The following RRM1 variants were observed in gnomAD, a reference collection of about 807,000 sequenced individuals.
The protein encoded by RRM1 is ribonucleotide reductase catalytic subunit M1.
In RRM1, 19 loss-of-function variants were observed where a neutral mutation model predicts 101.5. The ratio of observed to expected loss-of-function variants is 0.19; its 90% CI spans 0.13 to 0.27. The LOEUF is 0.27. RRM1 is among the 10% of genes least tolerant of loss of function. The pLI, the probability that RRM1 is intolerant of heterozygous loss-of-function variation, is 1.00. For synonymous variants in RRM1, 298 were observed against 323.4 expected (o/e 0.92, Z 0.84); for missense variants, 500 against 962.9 (o/e 0.52, Z 6.36).
intron 18 of RRM1, 35 bp from the exon 19 acceptor site, chr11:4,138,160 G>A (rs748463504): frequency 8.0e-7 from 1 of 1,256,450 alleles, no homozygotes; most frequent in Non-Finnish European, 1.1e-6. Context: ...TTCTCACAGA[G>A]TTTCTCCTAA....
intron 7 of RRM1, among the ~76,000 whole-genome samples, chr11:4,116,930 G>A (rs1485785251): frequency 6.6e-6 from 1 of 151,174 alleles, no homozygotes; most frequent in African/African-American, 2.4e-5. Flanking sequence ...TCATGCCACT[G>A]CACTCCAGCC....
chr11:4,119,769 G>T, intron 8 of RRM1, 76 bp from the exon 9 acceptor site: 1 of 846,738 alleles, frequency 1.2e-6, no homozygotes, highest in South Asian at 1.5e-5. Flanking sequence ...CATCTTTTTT[G>T]ATAAAAGAAT....
intron 18 of RRM1, among the ~76,000 whole-genome samples, chr11:4,136,761 C>A (rs2044132): frequency 1.6e-4 from 23 of 144,194 alleles, no homozygotes; most frequent in African/African-American, 5.4e-4. Context: ...TTTGTTTTTT[C>A]TTTTTATTTA....
chr11:4,132,525 C>A lies in RRM1; in HGVS notation c.1905+104C>A. 1 of 1,224,808 alleles carries A rather than the reference C, an allele frequency of 8.2e-7. No homozygotes were observed. The highest frequency in any genetic ancestry group is 1.2e-6 in the Non-Finnish European group (1 of 858,432). The allele number at this position is 1,224,808 out of a possible 1,614,324, so 75.9% of individuals were successfully genotyped here. On this transcript the variant is annotated intron_variant, in intron 16 of 18. Coordinates refer to ENST00000300738, the MANE Select transcript of RRM1 (RefSeq NM_001033.5). This position sits in a 1 kb window ranked among gnomAD's most constrained non-coding sequence, Gnocchi z 4.1. ...TTTGCCCATTTTCTTAGTTTGGGTG[C>A]AAACTTTGATAAAGACAGTCATCTT...
intron 12 of RRM1, among the ~76,000 whole-genome samples, chr11:4,125,327 TTTGTGGACA>T (rs1483063786): frequency 2.0e-5 from 3 of 152,218 alleles, no homozygotes; most frequent in Admixed American, 6.5e-5. Flanking sequence ...TGTCTCTAGA[TTTGTGGACA>T]TTGTGGACAT....
chr11:4,096,814 A>G (rs1470953104), intron 1 of RRM1, among the ~76,000 whole-genome samples: 2 of 151,892 alleles, frequency 1.3e-5, no homozygotes, highest in Non-Finnish European at 2.9e-5. Context: ...TTGAGCATCT[A>G]TTTTTTAAAT....
intron 14 of RRM1, 44 bp downstream of exon 14, chr11:4,127,300 G>A (rs748806305): frequency 1.3e-5 from 17 of 1,309,666 alleles, no homozygotes; most frequent in Non-Finnish European, 1.8e-5. Context: ...AGTACCTGTA[G>A]TGGGCTGAAT....
At chr11:4,137,152 G>A (rs922989493) in intron 18 of RRM1, 3 of 245,330 alleles carry the variant, frequency 1.2e-5, no homozygotes, top group Non-Finnish European at 2.4e-5. Flanking sequence ...AAAATGAAAA[G>A]TCTCCCGTGT....
chr11:4,130,496 G>C lies in RRM1; in HGVS notation c.1769+1346G>C, dbSNP rs146238839. Among the ~76,000 whole-genome samples, 345 of 152,216 alleles carry C rather than the reference G, an allele frequency of 2.3e-3. 1 individual carries two copies. The highest frequency in any genetic ancestry group is 8.0e-3 in the African/African-American group (334 of 41,536). ...GGATCACTTGAGGTCAGGAGTTCAA[G>C]ACCAGCTTGGGCAACATGGCGAAAC... On this transcript the variant is annotated intron_variant, in intron 15 of 18. Coordinates refer to ENST00000300738, the MANE Select transcript of RRM1 (RefSeq NM_001033.5).
At chr11:4,098,071 G>C (rs2094546028) in intron 1 of RRM1, among the ~76,000 whole-genome samples, 1 of 152,138 alleles carries the variant, frequency 6.6e-6, no homozygotes, top group Non-Finnish European at 1.5e-5. Context: ...GTAGCTAACT[G>C]AGTTGTAAAC....
chr11:4,124,478 T>C (rs973542182), intron 12 of RRM1, among the ~76,000 whole-genome samples: 2 of 152,260 alleles, frequency 1.3e-5, no homozygotes, highest in African/African-American at 4.8e-5. Flanking sequence ...AGTAGCTATA[T>C]GTAAAACACA....
intron 13 of RRM1, 44 bp downstream of exon 13, chr11:4,126,877 A>G (rs752603895): frequency 6.1e-5 from 93 of 1,518,734 alleles, no homozygotes; most frequent in Non-Finnish European, 7.8e-5. Context: ...TTGAAATCCA[A>G]ATTGAAAGGA....
chr11:4,097,436 C>T (rs534161102), intron 1 of RRM1, among the ~76,000 whole-genome samples: 10 of 151,846 alleles, frequency 6.6e-5, no homozygotes, highest in African/African-American at 2.4e-4. Context: ...TAATATACAA[C>T]ATGTACTTAG....
chr11:4,107,558 G>A, intron 4 of RRM1, 23 bp downstream of exon 4: 2 of 1,510,814 alleles, frequency 1.3e-6, no homozygotes, highest in Non-Finnish European at 9.1e-7. Flanking sequence ...CTTATCTGGT[G>A]GAAATTTTTT....
intron 3 of RRM1, 69 bp from the exon 4 acceptor site, chr11:4,107,366 T>G: frequency 9.3e-7 from 1 of 1,072,568 alleles, no homozygotes; most frequent in Non-Finnish European, 1.4e-6. Context: ...TGTTTTCAAC[T>G]ATTACCTAAA....
intron 1 of RRM1, among the ~76,000 whole-genome samples, chr11:4,101,557 A>ACCCCCCC (rs200112921): frequency 1.8e-4 from 8 of 43,636 alleles, no homozygotes; most frequent in South Asian, 1.9e-3. Context: ...CCAGTGATCC[A>ACCCCCCC]CACCCCCCCC....
intron 4 of RRM1, among the ~76,000 whole-genome samples, chr11:4,107,805 T>C (rs929485362): frequency 1.3e-5 from 2 of 152,266 alleles, no homozygotes; most frequent in Non-Finnish European, 2.9e-5. Flanking sequence ...ACAGTTTTCA[T>C]TGATACTTTC....
intron 11 of RRM1, 100 bp from the exon 12 acceptor site, chr11:4,123,083 T>A: frequency 1.1e-6 from 1 of 900,796 alleles, no homozygotes; most frequent in South Asian, 1.8e-5. Context: ...TAGAGAAAAT[T>A]TAAGAGTTTT....
chr11:4,134,637 A>C (rs1218773232), intron 17 of RRM1, among the ~76,000 whole-genome samples: 1 of 152,142 alleles, frequency 6.6e-6, no homozygotes, highest in African/African-American at 2.4e-5. Flanking sequence ...GGGAGTTTGA[A>C]ATCCTAGCTT....
Sources: gnomAD v4.1 joint callset for allele counts (sites outside exome capture counted in the v4.1 genomes callset) on GRCh38, gnomAD v4.1.1 for gene constraint, Gnocchi (gnomAD v3.1) non-coding constraint, MANE v1.5 for transcripts, NCBI Gene and HGNC (gene_info 2026-07-23, HGNC 2026-07-21) for gene names.